Variants in SMTN observed in about 807,000 individuals in gnomAD.
SMTN encodes the protein smoothelin.
SMTN carries 58 observed loss-of-function variants against 102.0 expected under a neutral mutation model. That is an observed-to-expected ratio of 0.57 (90% CI 0.46 to 0.71). SMTN has a LOEUF of 0.71. SMTN is among the 30% of genes least tolerant of loss of function. The pLI, the probability that SMTN is intolerant of heterozygous loss-of-function variation, is 0.00. For synonymous variants in SMTN, 478 were observed against 497.9 expected, an observed-to-expected ratio of 0.96 and a Z score of 0.53; for missense variants, 1,185 against 1,241.7, an observed-to-expected ratio of 0.95 and a Z score of 0.69.
chr22:31,070,716 G>A (rs1419922701), intron 1 of SMTN, among the ~76,000 whole-genome samples: 3 of 151,764 alleles, frequency 2.0e-5, no homozygotes, highest in African/African-American at 7.3e-5. Flanking sequence ...TTGAGGTCAG[G>A]GGTTCAAGAC....
chr22:31,069,807 AC>A (rs2041954743), intron 1 of SMTN, among the ~76,000 whole-genome samples: 1 of 152,142 alleles, frequency 6.6e-6, no homozygotes, highest in African/African-American at 2.4e-5. Context: ...ACCTCAGGAA[AC>A]CTGGGTTCCA....
intron 1 of SMTN, among the ~76,000 whole-genome samples, chr22:31,070,690 C>T (rs1363022204): frequency 6.6e-6 from 1 of 151,626 alleles, no homozygotes; most frequent in African/African-American, 2.4e-5. Flanking sequence ...TTGGGAGGCC[C>T]AGGTGGGTGG....
intron 18 of SMTN, chr22:31,099,441 T>G (rs1052623795): frequency 6.8e-6 from 4 of 586,814 alleles, no homozygotes; most frequent in Non-Finnish European, 1.2e-5. Context: ...TGGAGTCCCC[T>G]CCTTGTTGCT....
In SMTN at chr22:31,099,808, C is replaced by T; in HGVS notation, c.2515C>T (p.His839Tyr). 1 of 1,614,098 alleles carries T rather than the reference C, an allele frequency of 6.2e-7. No homozygotes were observed. The highest frequency in any genetic ancestry group is 8.5e-7 in the Non-Finnish European group (1 of 1,179,966). The change falls in exon 19 of 21, where the codon CAC becomes TAC. Residue 839 changes from histidine (H) to tyrosine (Y), a missense_variant. Coordinates refer to ENST00000333137, the MANE Select transcript of SMTN (RefSeq NM_134269.3). ...TGGGATGGCCTTCTGTGCCCTGGTGCACAACTTCTTCCCTGAGGCCTTCGA... is the reference window on the plus strand; with the variant it reads ...TGGGATGGCCTTCTGTGCCCTGGTGTACAACTTCTTCCCTGAGGCCTTCGA... ...SDGMAFCALVHNFFPEAFDYG... is the reference protein window; with the variant it reads ...SDGMAFCALVYNFFPEAFDYG...
chr22:31,078,867 G>A (rs1191660431), upstream of SMTN, among the ~76,000 whole-genome samples: 1 of 149,434 alleles, frequency 6.7e-6, no homozygotes, highest in East Asian at 2.0e-4. Context: ...GACACAGCAA[G>A]ACCCTGTCTC....
Position 31,095,690 on chromosome 22 carries a change from G to A in SMTN, c.1861+81G>A, listed in dbSNP as rs1472083492. ...CCTCATACTCTGGGGTCCATTTGTG[G>A]ACACCCCAGCTTAATAACTGCCCTA... On this transcript the variant is annotated intron_variant, in intron 13 of 20. Transcript: ENST00000333137. This position sits in a 1 kb window ranked among gnomAD's most constrained non-coding sequence, Gnocchi z 4.1. 3 of 1,285,002 alleles carry A rather than the reference G, an allele frequency of 2.3e-6. No individual in the cohort carries two copies. Among genetic ancestry groups the A allele is most frequent in the Non-Finnish European group, 3.3e-6 (3 of 915,610 alleles). 79.6% of individuals were successfully genotyped at this position (1,285,002 alleles called of 1,614,324 possible).
At chr22:31,093,501 G>A (rs1217056528) in intron 11 of SMTN, 1 of 661,338 alleles carries the variant, frequency 1.5e-6, no homozygotes, top group Non-Finnish European at 2.8e-6. Flanking sequence ...TTGAGGAGCA[G>A]TTGGGCCGGG....
intron 20 of SMTN, chr22:31,103,562 C>T (rs1037911990): frequency 6.6e-6 from 1 of 152,446 alleles, no homozygotes; most frequent in Non-Finnish European, 1.5e-5. Flanking sequence ...CTCCTCTGCT[C>T]TGTGACTCAG....
intron 18 of SMTN, 31 bp downstream of exon 18, chr22:31,099,210 G>A (rs2043879633): frequency 6.8e-7 from 1 of 1,471,944 alleles, no homozygotes; most frequent in Non-Finnish European, 9.5e-7. Context: ...GGGCCTGGAG[G>A]CCTCCCCAGA....
In SMTN at chr22:31,097,073, G is replaced by C; in HGVS notation, c.2089+13G>C. Reference sequence around the variant, plus strand: ...AGGCGCTCGGAGAGTAAGGCCACCTGGTGTCGCCCTGTGCCTGCCTGCCTG... The same window carrying C: ...AGGCGCTCGGAGAGTAAGGCCACCTCGTGTCGCCCTGTGCCTGCCTGCCTG... On this transcript the variant is annotated intron_variant, in intron 15 of 20. Coordinates refer to ENST00000333137, the MANE Select transcript of SMTN (RefSeq NM_134269.3). The C allele has an allele frequency of 6.2e-7, 1 of 1,613,378 alleles. No individual in the cohort carries two copies.
chr22:31,073,110 G>A (rs1490984832), intron 1 of SMTN, among the ~76,000 whole-genome samples: 1 of 146,848 alleles, frequency 6.8e-6, no homozygotes, highest in East Asian at 2.0e-4. Context: ...AACCTCCTGA[G>A]CTCAAGCGAT....
chr22:31,084,098 G>A (rs1602594425), intron 2 of SMTN, among the ~76,000 whole-genome samples: 2 of 152,172 alleles, frequency 1.3e-5, no homozygotes, highest in East Asian at 1.9e-4. Flanking sequence ...GGAAAGATGA[G>A]CCCACTCCAT....
At chr22:31,085,021 G>T in intron 2 of SMTN, 1 of 1,501,266 alleles carries the variant, frequency 6.7e-7, no homozygotes, top group South Asian at 1.2e-5. Flanking sequence ...TGGGGACGCG[G>T]GCAGTCGCTT....
chr22:31,064,511 A>G (rs1009034493), intron 1 of SMTN: 1 of 152,290 alleles, frequency 6.6e-6, no homozygotes, highest in East Asian at 1.9e-4. Flanking sequence ...TTTTATTTTT[A>G]CAGATGGTGT....
chr22:31,092,120 A>G (rs1569255978), intron 11 of SMTN, among the ~76,000 whole-genome samples: 1 of 152,148 alleles, frequency 6.6e-6, no homozygotes, highest in Non-Finnish European at 1.5e-5. Flanking sequence ...TTAGTTCGAA[A>G]TTGGTTGGTT....
intron 4 of SMTN, 28 bp from the exon 5 acceptor site, chr22:31,088,671 A>G (rs989662011): frequency 6.2e-7 from 1 of 1,613,502 alleles, no homozygotes; most frequent in African/African-American, 1.3e-5. Flanking sequence ...CCACAGCCCA[A>G]CACCCGCGAC....
intron 1 of SMTN, among the ~76,000 whole-genome samples, chr22:31,070,491 A>T (rs1008788916): frequency 6.6e-6 from 1 of 151,848 alleles, no homozygotes; most frequent in African/African-American, 2.4e-5. Flanking sequence ...CCTTGCCTGG[A>T]ACACCCCCAC....
intron 11 of SMTN, chr22:31,093,910 T>A: frequency 7.0e-7 from 1 of 1,419,512 alleles, no homozygotes; most frequent in Non-Finnish European, 9.5e-7. Flanking sequence ...AGGGGTAGTT[T>A]TGAGCCAGGC....
chr22:31,096,780 C>A lies in SMTN; in HGVS notation c.1909C>A (p.Arg637=), dbSNP rs115436437. The stretch of plus-strand genomic sequence containing the variant: ...ACGGCGGCTGCAGGAGGCACGGGGC[C>A]GGCCAGGGGAGGGGCGCGGCAACAC... ...RERRLQEARG[R]PGEGRGNTAT... is the part of the protein sequence containing the mutation. Residue 637 remains arginine (R), a synonymous_variant, in exon 14 of 21, where the codon CGG becomes AGG. Coordinates refer to ENST00000333137, the MANE Select transcript of SMTN (RefSeq NM_134269.3). 2.6e-6 allele frequency: 4 copies of A among 1,563,246 alleles called. No individual in the cohort carries two copies. The South Asian group carries it at 3.6e-5, about 14-fold the overall frequency.
Sources: allele counts gnomAD v4.1 joint callset (sites outside exome capture counted in the v4.1 genomes callset), GRCh38; gene constraint gnomAD v4.1.1; non-coding constraint Gnocchi (gnomAD v3.1); transcripts MANE v1.5; gene names NCBI Gene and HGNC (gene_info 2026-07-23, HGNC 2026-07-21).